Variants in NEMF observed in about 807,000 individuals in gnomAD.
The protein encoded by NEMF is nuclear export mediator factor.
In NEMF, 89 loss-of-function variants were observed where a neutral mutation model predicts 162.2. That is an observed-to-expected ratio of 0.55 (90% CI 0.46 to 0.65). The LOEUF (loss-of-function observed/expected upper bound fraction) is 0.65. Among genes scored for constraint, NEMF ranks in the 30% least tolerant of loss-of-function variants. The probability of loss-of-function intolerance (pLI) is 0.00; values close to 1 mark genes in which losing one functional copy is unlikely to be tolerated. For missense variants in NEMF, 1,133 were observed against 1,261.9 expected, an observed-to-expected ratio of 0.90 and a Z score of 1.55; for synonymous variants, 421 against 404.5, an observed-to-expected ratio of 1.04 and a Z score of -0.49.
At chr14:49,833,549 A>G in intron 7 of NEMF, 53 bp from the exon 8 acceptor site, 1 of 1,203,612 alleles carries the variant, frequency 8.3e-7, no homozygotes, top group East Asian at 2.4e-5. Context: ...GTGTCAATTA[A>G]CCGTGGCTAA....
intron 10 of NEMF, 80 bp downstream of exon 10, chr14:49,831,971 G>A (rs1892660019): frequency 1.1e-6 from 1 of 898,354 alleles, no homozygotes; most frequent in Non-Finnish European, 1.7e-6. Flanking sequence ...TATAGTTTCA[G>A]TTTCTCAATA....
intron 26 of NEMF, among the ~76,000 whole-genome samples, chr14:49,790,939 G>A (rs774424499): frequency 9.9e-5 from 15 of 152,118 alleles, no homozygotes; most frequent in Non-Finnish European, 1.8e-4. Context: ...GTTGCGGTGA[G>A]CCGAGATCAT....
At chr14:49,806,293 G>C (rs1170436368) in intron 18 of NEMF, among the ~76,000 whole-genome samples, 160 bp from the exon 19 acceptor site, 2 of 69,230 alleles carry the variant, frequency 2.9e-5, no homozygotes, top group Non-Finnish European at 5.4e-5. Context: ...ATGGAGTTTC[G>C]CTCTGTTGTT....
At chr14:49,795,210 C>G (rs1293321805) in intron 26 of NEMF, among the ~76,000 whole-genome samples, 1 of 151,942 alleles carries the variant, frequency 6.6e-6, no homozygotes, top group East Asian at 1.9e-4. Context: ...GTGGCATGCA[C>G]CTGTGCGGTC....
At chr14:49,832,324 G>A (rs201739375) in intron 8 of NEMF, 47 bp from the exon 9 acceptor site, 9 of 1,213,770 alleles carry the variant, frequency 7.4e-6, no homozygotes, top group Middle Eastern at 4.0e-4. Context: ...AATTAACAAA[G>A]ATTTACTTCT....
chr14:49,816,636 T>C (rs1484345012), intron 16 of NEMF, among the ~76,000 whole-genome samples: 7 of 152,178 alleles, frequency 4.6e-5, no homozygotes, highest in Admixed American at 2.0e-4. Flanking sequence ...TTAAGGAAAA[T>C]AGAAAGAACC....
rs1198602409 is a variant in NEMF at position 49,820,569 on chromosome 14, G to A, written c.1577+5298C>T. On this transcript the variant is annotated intron_variant, in intron 16 of 32. Coordinates refer to ENST00000298310, the MANE Select transcript of NEMF (RefSeq NM_004713.6). The stretch of plus-strand genomic sequence containing the variant: ...GGATCACTTGAGGTCAGGAGTTCGA[G>A]ACTAGCCTGGCCAATATGGTGAAAT... 27 of 450,810 alleles carry A rather than the reference G, an allele frequency of 6.0e-5. No homozygotes were observed. The East Asian group carries it at 1.6e-3, about 27-fold the overall frequency. 27.9% of individuals were successfully genotyped at this position (450,810 alleles called of 1,614,324 possible).
chr14:49,824,546 A>AG, intron 16 of NEMF, among the ~76,000 whole-genome samples: 1 of 150,908 alleles, frequency 6.6e-6, no homozygotes, highest in South Asian at 2.1e-4. Context: ...TTCCGTCTCA[A>AG]AAAAAAAAAA....
At chr14:49,834,871 T>G (rs1892821132) in intron 6 of NEMF, among the ~76,000 whole-genome samples, 1 of 152,228 alleles carries the variant, frequency 6.6e-6, no homozygotes, top group African/African-American at 2.4e-5. Context: ...AACAATAAGT[T>G]TACTTATTTT....
chr14:49,835,905 A>G (rs1892877964), intron 6 of NEMF, among the ~76,000 whole-genome samples: 1 of 152,244 alleles, frequency 6.6e-6, no homozygotes, highest in African/African-American at 2.4e-5. Flanking sequence ...CATCAAAAAG[A>G]ATAGAATGTT....
rs200602046 is a variant in NEMF, at chr14:49,803,563, T to C, written c.1858-269A>G. On this transcript the variant is annotated intron_variant, in intron 19 of 32. Transcript: ENST00000298310. ...TTTTTTGAGATGAAGTCTCACTCTG[T>C]TGCCCAAGCTGAAGTGCAGTGGCAC... 8.6e-5 allele frequency among the ~76,000 whole-genome samples: 13 copies of C among 151,974 alleles called. No individual in the cohort carries two copies. The East Asian group carries it at 2.5e-3, about 29-fold the overall frequency.
At chr14:49,819,048 T>C (rs975974261) in intron 16 of NEMF, among the ~76,000 whole-genome samples, 1 of 151,908 alleles carries the variant, frequency 6.6e-6, no homozygotes, top group Non-Finnish European at 1.5e-5. Context: ...GCAACATTTT[T>C]AAAAAAGTGC....
chr14:49,826,085 C>A (rs927179483), intron 15 of NEMF, 130 bp from the exon 16 acceptor site: 4 of 565,322 alleles, frequency 7.1e-6, no homozygotes, highest in Non-Finnish European at 1.2e-5. Context: ...CACACAAACA[C>A]ACACACACAC....
chr14:49,794,037 A>C (rs1206970452), intron 26 of NEMF, among the ~76,000 whole-genome samples: 1 of 152,232 alleles, frequency 6.6e-6, no homozygotes, highest in Non-Finnish European at 1.5e-5. Context: ...ATATCTTCTC[A>C]AATGATCTAC....
chr14:49,800,234 G>A (rs1343161834), intron 23 of NEMF, among the ~76,000 whole-genome samples, 186 bp downstream of exon 23: 3 of 151,976 alleles, frequency 2.0e-5, no homozygotes, highest in African/African-American at 7.3e-5. Flanking sequence ...CACTCTATAT[G>A]CACTGTATTT....
At chr14:49,827,131 T>C (rs186576325) in intron 15 of NEMF, among the ~76,000 whole-genome samples, 401 of 152,278 alleles carry the variant, frequency 2.6e-3, no homozygotes, top group African/African-American at 9.4e-3. Context: ...GGGCTCTGAA[T>C]TGTATTAAGA....
chr14:49,831,425 A>C, intron 10 of NEMF, 64 bp from the exon 11 acceptor site: 1 of 941,308 alleles, frequency 1.1e-6, no homozygotes, highest in Non-Finnish European at 1.7e-6. Flanking sequence ...ACTTGCATAC[A>C]CAGAATTTTA....
chr14:49,820,484 A>G (rs560213114), intron 16 of NEMF: 49 of 456,538 alleles, frequency 1.1e-4, no homozygotes, highest in East Asian at 7.0e-4. Context: ...AGAGCTAATA[A>G]TCGGCTGGGC....
At chr14:49,844,959 C>A (rs1893421009) in intron 4 of NEMF, 1 of 191,682 alleles carries the variant, frequency 5.2e-6, no homozygotes, top group South Asian at 6.9e-5. Flanking sequence ...AGTAGAGATG[C>A]AGTTTTGCCA....
Sources: gnomAD v4.1 joint callset for allele counts (sites outside exome capture counted in the v4.1 genomes callset) on GRCh38, gnomAD v4.1.1 for gene constraint, MANE v1.5 for transcripts, NCBI Gene and HGNC (gene_info 2026-07-23, HGNC 2026-07-21) for gene names.